PXYLP1: variants seen among roughly 807,000 people sequenced by gnomAD.
PXYLP1 encodes the protein acid phosphatase-like 2.
A neutral mutation model predicts 37.9 loss-of-function variants in PXYLP1; 17 were observed. The ratio of observed to expected loss-of-function variants is 0.45; its 90% CI spans 0.31 to 0.67. The LOEUF (loss-of-function observed/expected upper bound fraction) is 0.67. Ranked by LOEUF, PXYLP1 falls within the 30% of genes least tolerant of loss-of-function variation. PXYLP1 has a pLI of 0.07. For missense variants in PXYLP1, 511 were observed against 612.0 expected (o/e 0.84, Z 1.74); for synonymous variants, 221 against 232.2 (o/e 0.95, Z 0.44).
intron 2 of PXYLP1, among the ~76,000 whole-genome samples, chr3:141,272,129 T>C (rs1305231180): frequency 6.6e-6 from 1 of 152,206 alleles, no homozygotes; most frequent in African/African-American, 2.4e-5. Flanking sequence ...GTGACCTGGA[T>C]ATCAGGGAGG....
rs779382425 is a variant in PXYLP1, at chr3:141,292,885, T to C, written c.1123T>C (p.Tyr375His). 1.5e-5 allele frequency: 24 copies of C among 1,614,042 alleles called. No homozygotes were observed. Among genetic ancestry groups the C allele is most frequent in the Middle Eastern group, 1.6e-4 (1 of 6,084 alleles). Residue 375 changes from tyrosine (Y) to histidine (H), a missense_variant, in exon 6 of 6, where the codon TAC (tyrosine) becomes CAC (histidine). Transcript: ENST00000286353. The surrounding 1 kb of genome is among the most constrained non-coding windows in gnomAD (Gnocchi z 4.3). ...CAGGAAAGAAGAGCTCTTTGCCCTC[T>C]ACTCTGCTCATGATGTCACTCTGTC... is the stretch of plus-strand genomic sequence containing the variant. The part of the protein sequence containing the change: ...EGRKEELFAL[Y>H]SAHDVTLSPV...
Position 141,293,658 on chromosome 3 carries a change from G to T in PXYLP1, c.*453G>T, listed in dbSNP as rs1016120044. On this transcript the variant is annotated 3_prime_UTR_variant, in exon 6 of 6. Transcript: ENST00000286353. ...AAGGTTGGCAAACTTTTTCTGTAAA[G>T]GGCCAGATTGTAAATATTTCAGACT... 16 of 165,830 alleles carry T rather than the reference G, an allele frequency of 9.6e-5. No individual in the cohort carries two copies. Among genetic ancestry groups the T allele is most frequent in the Admixed American group, 8.9e-4 (16 of 18,054 alleles). 10.3% of individuals were successfully genotyped at this position (165,830 alleles called of 1,614,324 possible).
intron 1 of PXYLP1, among the ~76,000 whole-genome samples, chr3:141,239,137 G>A (rs1356155322): frequency 6.6e-6 from 1 of 151,830 alleles, no homozygotes; most frequent in Non-Finnish European, 1.5e-5. Context: ...CCTTTTGTAT[G>A]TAGGGAGAAT....
intron 1 of PXYLP1, among the ~76,000 whole-genome samples, chr3:141,246,524 G>T (rs960701835): frequency 6.6e-6 from 1 of 152,236 alleles, no homozygotes; most frequent in Admixed American, 6.5e-5. Flanking sequence ...TCAACAAGGT[G>T]AGAAAGTGGA....
intron 4 of PXYLP1, among the ~76,000 whole-genome samples, chr3:141,285,439 G>T (rs893068219): frequency 4.0e-5 from 6 of 151,768 alleles, no homozygotes; most frequent in Non-Finnish European, 7.4e-5. Flanking sequence ...ACCATGCCCG[G>T]CCTGTTAGCT....
intron 2 of PXYLP1, among the ~76,000 whole-genome samples, chr3:141,275,321 G>A (rs915282323): frequency 3.9e-5 from 6 of 152,196 alleles, no homozygotes; most frequent in East Asian, 1.9e-4. Context: ...GCCACAACAG[G>A]CCTCACCCCG....
chr3:141,240,667 A>C (rs550505401), intron 1 of PXYLP1, among the ~76,000 whole-genome samples: 24 of 152,252 alleles, frequency 1.6e-4, no homozygotes, highest in Middle Eastern at 3.4e-3. Flanking sequence ...TCCTCCCCCC[A>C]AAAATCAGGA....
chr3:141,254,551 C>G (rs570475152), intron 1 of PXYLP1, among the ~76,000 whole-genome samples: 1 of 152,172 alleles, frequency 6.6e-6, no homozygotes. Flanking sequence ...CTGGAATCTG[C>G]GCATCTTCAT....
rs764486364 is a variant in PXYLP1 at position 141,272,936 on chromosome 3, G to A, written c.80-5406G>A. The A allele has an allele frequency of 5.2e-6, 5 of 957,442 alleles. No homozygotes were observed. In the African/African-American group the frequency reaches 8.9e-5, roughly 17 times the overall value. The allele number at this position is 957,442 out of a possible 1,614,324, so 59.3% of individuals were successfully genotyped here. A position where few individuals can be genotyped will look rare whatever the true frequency, so the allele number is the denominator to read the frequency against. On this transcript the variant is annotated intron_variant, in intron 2 of 5. Transcript: ENST00000286353. ...GACACACCAAGGAGCAATACTTTGT[G>A]TTCTTCAACCCAATCAAGTGGACAC... is the stretch of plus-strand genomic sequence containing the variant.
chr3:141,277,590 C>T (rs1316671748), intron 2 of PXYLP1, among the ~76,000 whole-genome samples: 1 of 152,180 alleles, frequency 6.6e-6, no homozygotes, highest in Non-Finnish European at 1.5e-5. Context: ...TCCAGTTGCC[C>T]CATTACTACC....
At chr3:141,243,163 TGCCTG>T (rs55734395) in intron 1 of PXYLP1, among the ~76,000 whole-genome samples, 2 of 152,154 alleles carry the variant, frequency 1.3e-5, no homozygotes, top group African/African-American at 4.8e-5. Context: ...GGCCAGAGCC[TGCCTG>T]GCCTGGTCTA....
intron 4 of PXYLP1, among the ~76,000 whole-genome samples, chr3:141,282,886 G>T (rs567367374): frequency 2.0e-5 from 3 of 152,336 alleles, no homozygotes; most frequent in East Asian, 1.9e-4. Context: ...GGGAGGTATG[G>T]GGGGAAGTTA....
chr3:141,260,078 TC>T, intron 1 of PXYLP1, 44 bp from the exon 2 acceptor site: 1 of 1,424,590 alleles, frequency 7.0e-7, no homozygotes, highest in Non-Finnish European at 9.7e-7. Context: ...CAAATTTAGT[TC>T]TCCACCTCTA....
chr3:141,245,291 T>C (rs1159464419), intron 1 of PXYLP1, among the ~76,000 whole-genome samples: 1 of 152,092 alleles, frequency 6.6e-6, no homozygotes, highest in Non-Finnish European at 1.5e-5. Context: ...GGTCTCGAAC[T>C]CCTGACCTCA....
At chr3:141,268,669 T>TCCTGTACATAACCTTCATGAC (rs1224151611) in intron 2 of PXYLP1, among the ~76,000 whole-genome samples, 5 of 152,184 alleles carry the variant, frequency 3.3e-5, no homozygotes, top group African/African-American at 1.2e-4. Context: ...AGAATCTGAA[T>TCCTGTACATAACCTTCATGAC]CCTGTACACG....
At chr3:141,282,287 T>C (rs1941973004) in intron 4 of PXYLP1, among the ~76,000 whole-genome samples, 1 of 152,190 alleles carries the variant, frequency 6.6e-6, no homozygotes, top group Non-Finnish European at 1.5e-5. Context: ...TCTAGAAGGC[T>C]CTTCCCACAG....
intron 2 of PXYLP1, among the ~76,000 whole-genome samples, chr3:141,260,901 C>T (rs1941379751): frequency 6.6e-6 from 1 of 152,210 alleles, no homozygotes; most frequent in Non-Finnish European, 1.5e-5. Context: ...TCAGTGGTGG[C>T]CCATGGTCTT....
At chr3:141,279,319 C>T in intron 3 of PXYLP1, 59 bp from the exon 4 acceptor site, 2 of 1,602,158 alleles carry the variant, frequency 1.2e-6, no homozygotes, top group Non-Finnish European at 1.7e-6. Context: ...CCTTGGCCCC[C>T]TTCTAAAAGG....
Position 141,293,036 on chromosome 3 carries a change from G to A in PXYLP1, c.1274G>A (p.Gly425Asp). The A allele has an allele frequency of 6.2e-7, 1 of 1,614,164 alleles. No individual in the cohort carries two copies. The highest frequency in any genetic ancestry group is 1.7e-5 in the Admixed American group (1 of 60,026). The part of the protein sequence containing the change: ...SEHSVRILYN[G>D]VDVTFHTSFC... ...CATTCCGTCCGGATTCTTTACAATG[G>A]CGTCGATGTCACATTCCACACCTCT... Residue 425 changes from glycine (G) to aspartate (D), a missense_variant, in exon 6 of 6, where the codon GGC (glycine) becomes GAC (aspartate). Physicochemically the swap from Gly to Asp is moderately conservative, Grantham distance 94. Transcript: ENST00000286353.
Sources: allele counts gnomAD v4.1 joint callset (sites outside exome capture counted in the v4.1 genomes callset), GRCh38; gene constraint gnomAD v4.1.1; non-coding constraint Gnocchi (gnomAD v3.1); transcripts MANE v1.5; gene names NCBI Gene and HGNC (gene_info 2026-07-23, HGNC 2026-07-21).